RALYL: variants seen among roughly 807,000 people sequenced by gnomAD.
The protein encoded by RALYL is RNA-binding Raly-like protein.
Under a neutral mutation model 35.1 loss-of-function variants are expected in RALYL, and 29 were observed. That is an observed-to-expected ratio of 0.83 (90% CI 0.61 to 1.13). RALYL has a LOEUF of 1.13. Among genes scored for constraint, RALYL ranks in the 50% most tolerant of loss-of-function variants. The pLI is 0.00. For synonymous variants in RALYL, 120 were observed against 127.6 expected, an observed-to-expected ratio of 0.94 and a Z score of 0.40; for missense variants, 359 against 360.4, an observed-to-expected ratio of 1.00 and a Z score of 0.03.
intron 2 of RALYL, among the ~76,000 whole-genome samples, chr8:84,586,662 G>A (rs1812083301): frequency 1.3e-5 from 2 of 152,092 alleles, no homozygotes; most frequent in African/African-American, 2.4e-5. Context: ...TAGTACAGTT[G>A]AGTTTGAAAA....
chr8:84,892,773 G>A (rs574896017), intron 8 of RALYL, among the ~76,000 whole-genome samples: 21 of 151,468 alleles, frequency 1.4e-4, no homozygotes, highest in Non-Finnish European at 2.5e-4. Flanking sequence ...AAACAAGCTC[G>A]GACTTTATAA....
chr8:84,882,059 C>G (rs1842248712), intron 7 of RALYL, among the ~76,000 whole-genome samples: 1 of 151,970 alleles, frequency 6.6e-6, no homozygotes, highest in Non-Finnish European at 1.5e-5. Context: ...GTTAATGAAT[C>G]TTACATGGTC....
rs561817332 is a variant in RALYL, at chr8:84,587,048, AC to A, written c.256+57472del. Among the ~76,000 whole-genome samples, 249 of 152,316 alleles carry A rather than the reference AC, an allele frequency of 1.6e-3. 1 individual carries two copies. Among genetic ancestry groups the A allele is most frequent in the Admixed American group, 5.0e-3 (77 of 15,292 alleles). The stretch of plus-strand genomic sequence containing the variant: ...GCCCTGGATTTCAGTGGCAGTACTC[AC>A]ACTTAAGAAGCAGAAAGGAACAGAC... On this transcript the variant is annotated intron_variant, in intron 2 of 8. Transcript: ENST00000521268.
chr8:84,687,282 G>T (rs1836999837), intron 2 of RALYL, among the ~76,000 whole-genome samples: 1 of 151,982 alleles, frequency 6.6e-6, no homozygotes, highest in Non-Finnish European at 1.5e-5. Context: ...AATGATCTTA[G>T]GGTCTATGAG....
intron 1 of RALYL, among the ~76,000 whole-genome samples, chr8:84,282,563 C>G (rs1836777151): frequency 6.6e-6 from 1 of 151,900 alleles, no homozygotes; most frequent in African/African-American, 2.4e-5. Flanking sequence ...TCTTTAGCTG[C>G]ACAAAGACCC....
chr8:84,378,534 G>A (rs1857361619), intron 1 of RALYL, among the ~76,000 whole-genome samples: 1 of 151,952 alleles, frequency 6.6e-6, no homozygotes, highest in Admixed American at 6.6e-5. Flanking sequence ...AACAATAGAT[G>A]TGTCTAGGAG....
At chr8:84,661,054 G>A (rs774510726) in intron 2 of RALYL, among the ~76,000 whole-genome samples, 6 of 151,836 alleles carry the variant, frequency 4.0e-5, no homozygotes, top group East Asian at 1.9e-4. Flanking sequence ...TCAGTCTCCC[G>A]ACTAGCTGGG....
chr8:84,720,270 A>G (rs1421735657), intron 2 of RALYL, among the ~76,000 whole-genome samples: 1 of 152,166 alleles, frequency 6.6e-6, no homozygotes, highest in African/African-American at 2.4e-5. Flanking sequence ...CTACAAAACT[A>G]CAGTAATCCA....
At chr8:84,454,386 C>A (rs1003657834) in intron 1 of RALYL, among the ~76,000 whole-genome samples, 2 of 151,766 alleles carry the variant, frequency 1.3e-5, no homozygotes, top group Non-Finnish European at 2.9e-5. Flanking sequence ...CACATACATG[C>A]ACACTGCTAT....
intron 1 of RALYL, among the ~76,000 whole-genome samples, chr8:84,343,607 A>G: frequency 6.6e-6 from 1 of 151,840 alleles, no homozygotes; most frequent in East Asian, 1.9e-4. Flanking sequence ...CTAACACAAT[A>G]TGATTTATTT....
chr8:84,215,781 G>T (rs1820663819), intron 1 of RALYL, among the ~76,000 whole-genome samples: 1 of 152,062 alleles, frequency 6.6e-6, no homozygotes, highest in Non-Finnish European at 1.5e-5. Context: ...TCTGTAAAGT[G>T]CACAAAGAAG....
At chr8:84,367,319 T>A (rs28366806) in intron 1 of RALYL, among the ~76,000 whole-genome samples, 41,515 of 66,192 alleles carry the variant, frequency 0.63, 11,727 homozygotes, top group African/African-American at 0.75. Flanking sequence ...AATTTTTGTA[T>A]TTTTTTTTTT....
chr8:84,447,994 G>GGA (rs991905089), intron 1 of RALYL, among the ~76,000 whole-genome samples: 13 of 151,382 alleles, frequency 8.6e-5, no homozygotes, highest in Non-Finnish European at 8.9e-5. Flanking sequence ...GCGAGAGTGA[G>GGA]GAGAGAGAGA....
At chr8:84,820,674 G>T (rs1828328188) in intron 4 of RALYL, among the ~76,000 whole-genome samples, 1 of 152,062 alleles carries the variant, frequency 6.6e-6, no homozygotes, top group African/African-American at 2.4e-5. Context: ...GCATGCATTA[G>T]GTATTTGTCC....
chr8:84,481,672 T>A (rs1269147715), intron 1 of RALYL, among the ~76,000 whole-genome samples: 1 of 152,128 alleles, frequency 6.6e-6, no homozygotes, highest in East Asian at 1.9e-4. Flanking sequence ...TGTACAAACA[T>A]TGATAAATAC....
chr8:84,451,779 C>T (rs2049503330), intron 1 of RALYL, among the ~76,000 whole-genome samples: 2 of 152,068 alleles, frequency 1.3e-5, no homozygotes, highest in Middle Eastern at 3.4e-3. Context: ...AACACATTGC[C>T]TTATGGCTAA....
intron 2 of RALYL, among the ~76,000 whole-genome samples, chr8:84,550,842 A>G (rs1266189727): frequency 1.3e-5 from 2 of 151,994 alleles, no homozygotes; most frequent in African/African-American, 4.8e-5. Context: ...ATTACTATCT[A>G]TAAAATAATC....
intron 2 of RALYL, among the ~76,000 whole-genome samples, chr8:84,709,834 G>A (rs553218078): frequency 1.3e-5 from 2 of 152,236 alleles, no homozygotes; most frequent in African/African-American, 4.8e-5. Flanking sequence ...GCCAAGGCGG[G>A]AGGATTACTT....
chr8:84,279,653 G>C (rs1226291574), intron 1 of RALYL, among the ~76,000 whole-genome samples: 1 of 152,126 alleles, frequency 6.6e-6, no homozygotes, highest in African/African-American at 2.4e-5. Context: ...CTTTGGAGGA[G>C]CATCCACTTT....
Sources: allele counts gnomAD v4.1 joint callset (sites outside exome capture counted in the v4.1 genomes callset), GRCh38; gene constraint gnomAD v4.1.1; transcripts MANE v1.5; gene names NCBI Gene and HGNC (gene_info 2026-07-23, HGNC 2026-07-21).